COL4A5: variants seen among roughly 807,000 people sequenced by gnomAD.
COL4A5 encodes the protein collagen alpha-5(IV) chain.
Under a neutral mutation model 130.2 loss-of-function variants are expected in COL4A5, and 26 were observed. The observed-to-expected ratio is 0.20, with a 90% CI of 0.15 to 0.28. The LOEUF is 0.28. Among genes scored for constraint, COL4A5 ranks in the 10% least tolerant of loss-of-function variants. The pLI, the probability that COL4A5 is intolerant of heterozygous loss-of-function variation, is 1.00. For synonymous variants in COL4A5, 496 were observed against 439.6 expected, an observed-to-expected ratio of 1.13 and a Z score of -1.60; for missense variants, 1,131 against 1,344.3, an observed-to-expected ratio of 0.84 and a Z score of 2.48.
chrX:108,475,223 A>T (rs895579749), intron 1 of COL4A5, among the ~76,000 whole-genome samples: 6 of 111,405 alleles, frequency 5.4e-5, no homozygotes, highest in African/African-American at 2.0e-4. Flanking sequence ...TTAGTTTTTT[A>T]GGCCTTTAAG....
intron 1 of COL4A5, among the ~76,000 whole-genome samples, chrX:108,520,356 A>T (rs2065253978): frequency 9.0e-6 from 1 of 111,534 alleles, no homozygotes; most frequent in Admixed American, 9.6e-5. Flanking sequence ...GCCTGATATA[A>T]ATGTGTGTCT....
intron 41 of COL4A5, among the ~76,000 whole-genome samples, chrX:108,668,845 C>T (rs2068139200): frequency 8.9e-6 from 1 of 111,958 alleles, no homozygotes; most frequent in South Asian, 3.7e-4. Flanking sequence ...AAAATGCCAT[C>T]TGCATTTTTA....
At chrX:108,615,948 AATTT>A (rs2066918513) in intron 30 of COL4A5, among the ~76,000 whole-genome samples, 1 of 112,061 alleles carries the variant, frequency 8.9e-6, no homozygotes, top group Admixed American at 9.5e-5. Context: ...TTATTCTAAA[AATTT>A]AGAAACTCAG....
At chrX:108,537,006 TAAAA>T (rs1187134681) in intron 1 of COL4A5, among the ~76,000 whole-genome samples, 1 of 111,440 alleles carries the variant, frequency 9.0e-6, no homozygotes, top group Non-Finnish European at 1.9e-5. Flanking sequence ...CCTAGTTACT[TAAAA>T]AAACAAAAAA....
intron 36 of COL4A5, among the ~76,000 whole-genome samples, chrX:108,643,511 G>A (rs1425712209): frequency 2.7e-5 from 3 of 111,826 alleles, no homozygotes; most frequent in Admixed American, 9.5e-5. Context: ...ATCAACAGCA[G>A]AATTCTCAGC....
chrX:108,652,499 T>C, intron 36 of COL4A5, among the ~76,000 whole-genome samples: 1 of 112,666 alleles, frequency 8.9e-6, no homozygotes, highest in East Asian at 2.8e-4. Flanking sequence ...GTTGTCTTTG[T>C]TTCCCCCAGT....
rs1442918212 is a variant in COL4A5, at chrX:108,655,337, C to T, written c.3253C>T (p.Pro1085Ser). 7 of 1,209,187 alleles carry T rather than the reference C, an allele frequency of 5.8e-6. No homozygotes were observed. Among genetic ancestry groups the T allele is most frequent in the Non-Finnish European group, 7.8e-6 (7 of 894,352 alleles). The change falls in exon 37 of 53, where the codon CCT becomes TCT. Residue 1085 changes from proline (P) to serine (S), a missense_variant. By Grantham distance (74) the Pro-to-Ser change is moderately conservative. Transcript: ENST00000328300. ...LPGLPGPKGE[P>S]GLPGYPGNPG... ...TTTTTATTCGTGTTTTCAGGGTGAG[C>T]CTGGTCTGCCTGGATACCCAGGGAA... is the stretch of plus-strand genomic sequence containing the variant.
At chrX:108,606,123 T>G (rs928685289) in intron 28 of COL4A5, among the ~76,000 whole-genome samples, 1 of 111,954 alleles carries the variant, frequency 8.9e-6, no homozygotes, top group African/African-American at 3.2e-5. Context: ...CCAGTTCTCA[T>G]GAGAAAACCA....
chrX:108,565,515 T>C (rs1181338248), intron 4 of COL4A5, among the ~76,000 whole-genome samples: 1 of 112,106 alleles, frequency 8.9e-6, no homozygotes, highest in East Asian at 2.8e-4. Context: ...CATCATACCT[T>C]TAAACATTAG....
chrX:108,532,023 T>C (rs1458452328), intron 1 of COL4A5, among the ~76,000 whole-genome samples: 1 of 111,110 alleles, frequency 9.0e-6, no homozygotes, highest in Admixed American at 9.6e-5. Flanking sequence ...ACAGAAATAA[T>C]ACCAATCCTC....
In COL4A5 at chrX:108,666,826, T is replaced by C. The variant is rs184667919; in HGVS notation, c.3553+232T>C. On this transcript the variant is annotated intron_variant, in intron 39 of 52. Coordinates refer to ENST00000328300, the MANE Select transcript of COL4A5 (RefSeq NM_033380.3). ...ATCTTTTCTTGTCTAATTTTTTATA[T>C]CAAAAAGAAGTTACCTAGCCTTTGC... Among the ~76,000 whole-genome samples, 15 of 111,821 alleles carry C rather than the reference T, an allele frequency of 1.3e-4. No individual in the cohort carries two copies. The East Asian group carries it at 4.2e-3, about 31-fold the overall frequency.
rs1187044092 is a variant in COL4A5, at chrX:108,646,431, GT to G, written c.3247-8893del. Among the ~76,000 whole-genome samples, 87 of 109,826 alleles carry G rather than the reference GT, an allele frequency of 7.9e-4. 1 individual carries two copies. The highest frequency in any genetic ancestry group is 1.6e-3 in the Non-Finnish European group (81 of 51,931). ...TGCCCACTTTTTGATGGGGTTGTTT[GT>G]TTTTTTCTTGTAAATTTGTTTGAGT... is the stretch of plus-strand genomic sequence containing the variant. On this transcript the variant is annotated intron_variant, in intron 36 of 52. Transcript: ENST00000328300.
At chrX:108,622,273 C>T (rs1221235771) in intron 32 of COL4A5, among the ~76,000 whole-genome samples, 5 of 111,125 alleles carry the variant, frequency 4.5e-5, no homozygotes, top group Non-Finnish European at 7.5e-5. Flanking sequence ...GGAGTACAGG[C>T]GCCTGCCACC....
intron 37 of COL4A5, among the ~76,000 whole-genome samples, chrX:108,658,262 A>G (rs981951195): frequency 2.7e-5 from 3 of 111,576 alleles, no homozygotes; most frequent in Non-Finnish European, 5.7e-5. Context: ...ACTGATTGAT[A>G]TTTTATGTAA....
At position 108,495,773 on chromosome X, in the gene COL4A5, G is replaced by A. The variant is rs149566961; in HGVS notation, c.82-43973G>A. ...GTCAGTCTCTTTCCCAACCACTCCT[G>A]TCAGTGCCCAATGGGCTCATGAGCA... On this transcript the variant is annotated intron_variant, in intron 1 of 52. Coordinates refer to ENST00000328300, the MANE Select transcript of COL4A5 (RefSeq NM_033380.3). Among the ~76,000 whole-genome samples, 832 of 112,329 alleles carry A rather than the reference G, an allele frequency of 7.4e-3. 4 individuals carry two copies. The highest frequency in any genetic ancestry group is 0.026 in the African/African-American group (796 of 30,957).
intron 37 of COL4A5, among the ~76,000 whole-genome samples, chrX:108,664,350 A>C (rs2068030008): frequency 8.9e-6 from 1 of 112,166 alleles, no homozygotes; most frequent in Admixed American, 9.4e-5. Flanking sequence ...GCCCTGAAAC[A>C]TCTAGATATT....
chrX:108,628,711 ATGTTTAC>A (rs1411127782), intron 36 of COL4A5, among the ~76,000 whole-genome samples: 1 of 111,749 alleles, frequency 8.9e-6, no homozygotes, highest in East Asian at 2.8e-4. Flanking sequence ...GTCTTATAGC[ATGTTTAC>A]TGTGCATTTC....
At chrX:108,551,537 T>C (rs192250586) in intron 2 of COL4A5, among the ~76,000 whole-genome samples, 101 of 111,859 alleles carry the variant, frequency 9.0e-4, no homozygotes, top group Admixed American at 8.1e-3. Context: ...GTTGGTGAGG[T>C]TGCAGAGAAA....
At chrX:108,517,598 A>T (rs1050947024) in intron 1 of COL4A5, among the ~76,000 whole-genome samples, 2 of 111,486 alleles carry the variant, frequency 1.8e-5, no homozygotes, top group Non-Finnish European at 3.8e-5. Context: ...ATGGCTAGAA[A>T]TATTTTAGGT....
Sources: allele counts gnomAD v4.1 joint callset (sites outside exome capture counted in the v4.1 genomes callset), GRCh38; gene constraint gnomAD v4.1.1; transcripts MANE v1.5; gene names NCBI Gene and HGNC (gene_info 2026-07-23, HGNC 2026-07-21).